TCERG1L: variants seen among roughly 807,000 people sequenced by gnomAD.
The protein encoded by TCERG1L is transcription elongation regulator 1 like.
TCERG1L carries 37 observed loss-of-function variants against 56.3 expected under a neutral mutation model. That is an observed-to-expected ratio of 0.66 (90% CI 0.51 to 0.87). TCERG1L has a LOEUF of 0.87. TCERG1L is among the 40% of genes least tolerant of loss of function. TCERG1L has a pLI of 0.00. For missense variants in TCERG1L, 799 were observed against 774.2 expected (o/e 1.03, Z -0.38); for synonymous variants, 324 against 326.3 (o/e 0.99, Z 0.08).
chr10:131,129,025 G>T (rs886303463), intron 8 of TCERG1L, among the ~76,000 whole-genome samples: 4 of 152,162 alleles, frequency 2.6e-5, no homozygotes, highest in African/African-American at 9.7e-5. Flanking sequence ...GATGATCTAT[G>T]TCCAAATGAT....
Position 131,311,439 on chromosome 10 carries a change from G to A in TCERG1L, c.197C>T (p.Ala66Val). Residue 66 changes from alanine (A) to valine (V), a missense_variant, in exon 1 of 12, where the codon GCC becomes GTC. By Grantham distance (64) the Ala-to-Val change is moderately conservative (BLOSUM62 0). Coordinates refer to ENST00000368642, the MANE Select transcript of TCERG1L (RefSeq NM_174937.4). This position sits in a 1 kb window ranked among gnomAD's most constrained non-coding sequence, Gnocchi z 4.0. ...VVVPPVLLAS[A>V]PPPAAPLLPG... The stretch of plus-strand genomic sequence containing the variant: ...GAGCAGCGGGGCCGCGGGCGGCGGG[G>A]CCGAGGCGAGCAGCACCGGGGGAAC... 1 of 1,176,558 alleles carries A rather than the reference G, an allele frequency of 8.5e-7. No homozygotes were observed. The highest frequency in any genetic ancestry group is 1.0e-6 in the Non-Finnish European group (1 of 954,050). 72.9% of individuals were successfully genotyped at this position (1,176,558 alleles called of 1,614,324 possible). A position where few individuals can be genotyped will look rare whatever the true frequency, so the allele number is the denominator to read the frequency against.
chr10:131,290,215 C>T (rs1589774246), intron 3 of TCERG1L, among the ~76,000 whole-genome samples: 1 of 146,120 alleles, frequency 6.8e-6, no homozygotes, highest in Non-Finnish European at 1.5e-5. Context: ...CCTCCATCTC[C>T]TATCGGTGTG....
At chr10:131,147,135 A>G (rs1172700643) in intron 6 of TCERG1L, among the ~76,000 whole-genome samples, 3 of 152,190 alleles carry the variant, frequency 2.0e-5, no homozygotes, top group Non-Finnish European at 4.4e-5. Context: ...ACCCTCCGGC[A>G]GCAGCAGAAT....
intron 4 of TCERG1L, among the ~76,000 whole-genome samples, chr10:131,168,878 C>G (rs1437826784): frequency 6.6e-6 from 1 of 152,248 alleles, no homozygotes; most frequent in Non-Finnish European, 1.5e-5. Context: ...GGCTCCCATA[C>G]AGCCATGACC....
In TCERG1L at chr10:131,104,478, C is replaced by A. The variant is rs1038636964; in HGVS notation, c.1396-124G>T. On this transcript the variant is annotated intron_variant, in intron 9 of 11. Transcript: ENST00000368642. The stretch of plus-strand genomic sequence containing the variant: ...ACCAGCATTAAAGTACAATAGATTC[C>A]GTGATGTGGTGCAGTATAAGTGTTA... The A allele has an allele frequency of 3.4e-5, 22 of 639,210 alleles. 1 individual carries two copies. The highest frequency in any genetic ancestry group is 3.3e-4 in the Middle Eastern group (1 of 3,074). The allele number at this position is 639,210 out of a possible 1,614,324, so 39.6% of individuals were successfully genotyped here.
In TCERG1L at chr10:131,309,264, C is replaced by G. The variant is rs765144939; in HGVS notation, c.378G>C (p.Leu126=). The G allele has an allele frequency of 6.2e-7, 1 of 1,603,030 alleles. No homozygotes were observed. The highest frequency in any genetic ancestry group is 1.1e-5 in the South Asian group (1 of 89,438). Residue 126 remains leucine, a synonymous_variant, in exon 2 of 12, where the codon CTG becomes CTC. Coordinates refer to ENST00000368642, the MANE Select transcript of TCERG1L (RefSeq NM_174937.4). ...LFGGHSPSLG[L]PPSSTVELVP... is the part of the protein sequence containing the mutation. The stretch of plus-strand genomic sequence containing the variant: ...CCAGCTCCACTGTGGAAGAGGGGGG[C>G]AGTCCTAGGGACGGAGAATGGCCAC...
At chr10:131,271,558 C>T (rs945307955) in intron 3 of TCERG1L, among the ~76,000 whole-genome samples, 4 of 152,236 alleles carry the variant, frequency 2.6e-5, no homozygotes, top group Non-Finnish European at 5.9e-5. Context: ...GCGTCATGGG[C>T]TCTGGGACCT....
At chr10:131,107,811 C>T (rs900687637) in intron 9 of TCERG1L, among the ~76,000 whole-genome samples, 1 of 152,128 alleles carries the variant, frequency 6.6e-6, no homozygotes, top group Non-Finnish European at 1.5e-5. Flanking sequence ...CAGGTGCACA[C>T]ACATGCAAAC....
At chr10:131,200,618 C>T (rs147190945) in intron 4 of TCERG1L, among the ~76,000 whole-genome samples, 13 of 152,196 alleles carry the variant, frequency 8.5e-5, no homozygotes, top group East Asian at 1.9e-4. Flanking sequence ...AAATTTTCCT[C>T]GGAATAAATC....
intron 3 of TCERG1L, among the ~76,000 whole-genome samples, chr10:131,275,898 T>C (rs1022001662): frequency 6.6e-6 from 1 of 152,156 alleles, no homozygotes; most frequent in Non-Finnish European, 1.5e-5. Flanking sequence ...CGCCTGGGCA[T>C]GACAACGTGC....
At chr10:131,249,263 G>T (rs1846078683) in intron 4 of TCERG1L, among the ~76,000 whole-genome samples, 1 of 152,248 alleles carries the variant, frequency 6.6e-6, no homozygotes, top group Non-Finnish European at 1.5e-5. Flanking sequence ...CTTCTTAGCA[G>T]AGGCAATATC....
chr10:131,121,455 A>G (rs1317036280), intron 8 of TCERG1L, among the ~76,000 whole-genome samples: 2 of 152,228 alleles, frequency 1.3e-5, no homozygotes, highest in African/African-American at 2.4e-5. Flanking sequence ...TGTTAATTTC[A>G]TCCTGATGAA....
intron 10 of TCERG1L, among the ~76,000 whole-genome samples, chr10:131,101,633 C>T (rs1250772011): frequency 2.0e-5 from 3 of 152,204 alleles, no homozygotes; most frequent in Non-Finnish European, 4.4e-5. Flanking sequence ...TTTATGGCTC[C>T]TGCCTATGCC....
At chr10:131,309,834 C>CAA (rs58892586) in intron 1 of TCERG1L, among the ~76,000 whole-genome samples, 23 of 49,848 alleles carry the variant, frequency 4.6e-4, no homozygotes, top group South Asian at 1.2e-3. Flanking sequence ...GATTCTATGG[C>CAA]AAAAAAAAAA....
At chr10:131,179,067 G>A (rs1402672081) in intron 4 of TCERG1L, among the ~76,000 whole-genome samples, 6 of 152,154 alleles carry the variant, frequency 3.9e-5, no homozygotes, top group African/African-American at 9.6e-5. Context: ...AGCCCGCGTC[G>A]GCACCATGCT....
At chr10:131,108,141 C>T (rs1161020650) in intron 9 of TCERG1L, among the ~76,000 whole-genome samples, 1 of 152,214 alleles carries the variant, frequency 6.6e-6, no homozygotes, top group African/African-American at 2.4e-5. Context: ...AAAACCGGCT[C>T]TCCCTGTTTC....
chr10:131,273,432 G>A (rs547796608), intron 3 of TCERG1L, among the ~76,000 whole-genome samples: 6 of 152,336 alleles, frequency 3.9e-5, no homozygotes, highest in Non-Finnish European at 8.8e-5. Flanking sequence ...GGGCTTTGCT[G>A]CCACAAACTC....
At chr10:131,162,451 G>T (rs1198269805) in intron 6 of TCERG1L, 1 of 152,268 alleles carries the variant, frequency 6.6e-6, no homozygotes, top group Non-Finnish European at 1.5e-5. Context: ...ATGCAAGGCT[G>T]GTGGGGGCCC....
chr10:131,298,684 G>T (rs181004573), intron 3 of TCERG1L, among the ~76,000 whole-genome samples: 35 of 152,326 alleles, frequency 2.3e-4, no homozygotes, highest in Admixed American at 9.8e-4. Context: ...AAAGTGCTGG[G>T]ATTAGAGGCA....
Sources: gnomAD v4.1 joint callset for allele counts (sites outside exome capture counted in the v4.1 genomes callset) on GRCh38, gnomAD v4.1.1 for gene constraint, Gnocchi (gnomAD v3.1) non-coding constraint, MANE v1.5 for transcripts, NCBI Gene and HGNC (gene_info 2026-07-23, HGNC 2026-07-21) for gene names.